TMEM74: variants seen among roughly 807,000 people sequenced by gnomAD.
TMEM74 encodes the protein transmembrane protein 74.
TMEM74 carries 13 observed loss-of-function variants against 18.1 expected under a neutral mutation model. That is an observed-to-expected ratio of 0.72 (90% CI 0.47 to 1.14). TMEM74 has a LOEUF of 1.14. Ranked by LOEUF, TMEM74 falls within the 50% of genes most tolerant of loss-of-function variation. The pLI, the probability that TMEM74 is intolerant of heterozygous loss-of-function variation, is 0.00. For synonymous variants in TMEM74, 159 were observed against 146.6 expected, an observed-to-expected ratio of 1.08 and a Z score of -0.61; for missense variants, 372 against 375.9, an observed-to-expected ratio of 0.99 and a Z score of 0.09.
intron 2 of TMEM74, among the ~76,000 whole-genome samples, chr8:108,647,255 A>C (rs930594553): frequency 6.6e-6 from 1 of 152,154 alleles, no homozygotes; most frequent in African/African-American, 2.4e-5. Flanking sequence ...AGTTTGAAGA[A>C]ATATCAGTCA....
chr8:108,676,170 A>G (rs1294943605), intron 1 of TMEM74, among the ~76,000 whole-genome samples: 3 of 152,204 alleles, frequency 2.0e-5, no homozygotes, highest in African/African-American at 4.8e-5. Flanking sequence ...GTGGCAAGTC[A>G]GTAAACTCAG....
At position 108,657,875 on chromosome 8, in the gene TMEM74, T is replaced by TATATATATATATTAATTAC. The variant is rs1554630278; in HGVS notation, n.120-2439_120-2438insGTAATTAATATATATATAT. Among the ~76,000 whole-genome samples, 18 of 55,556 alleles carry TATATATATATATTAATTAC rather than the reference T, an allele frequency of 3.2e-4. 1 individual carries two copies. Among genetic ancestry groups the TATATATATATATTAATTAC allele is most frequent in the African/African-American group, 1.2e-3 (15 of 12,910 alleles). The allele number at this position is 55,556 out of a possible 152,430, so 36.4% of individuals were successfully genotyped here. A position where few individuals can be genotyped will look rare whatever the true frequency, so the allele number is the denominator to read the frequency against. ...AAAAAAAAAAATATATATATATATA[T>TATATATATATATTAATTAC]ATATATATATATATATATATATATA... On this transcript the variant is annotated intron_variant and non_coding_transcript_variant, in intron 1 of 3. Transcript: ENST00000518838.
At chr8:108,642,068 G>A (rs1208617214) in intron 2 of TMEM74, among the ~76,000 whole-genome samples, 1 of 151,812 alleles carries the variant, frequency 6.6e-6, no homozygotes, top group African/African-American at 2.4e-5. Context: ...AACATGATCT[G>A]TAAATAGTTA....
At chr8:108,652,921 C>A (rs563056971) in intron 2 of TMEM74, 1 of 364,266 alleles carries the variant, frequency 2.7e-6, no homozygotes, top group South Asian at 2.6e-5. Context: ...GTGTGAAGAG[C>A]GAAGATGAAT....
intron 1 of TMEM74, among the ~76,000 whole-genome samples, chr8:108,693,608 G>T (rs572618956): frequency 6.6e-6 from 1 of 152,344 alleles, no homozygotes; most frequent in East Asian, 1.9e-4. Flanking sequence ...GTTGGCATGT[G>T]CAAGCTAAGT....
chr8:108,714,357 C>A (rs1813502593), intron 1 of TMEM74, among the ~76,000 whole-genome samples: 1 of 152,068 alleles, frequency 6.6e-6, no homozygotes, highest in Non-Finnish European at 1.5e-5. Context: ...CAGTGGAATA[C>A]AATTGTATGG....
chr8:108,634,559 T>C (rs758424051), intron 2 of TMEM74, among the ~76,000 whole-genome samples: 9 of 151,966 alleles, frequency 5.9e-5, no homozygotes, highest in Non-Finnish European at 8.8e-5. Context: ...TTCCACTCTT[T>C]CCAAACCTTT....
At chr8:108,667,945 C>T (rs1812966030) in intron 1 of TMEM74, among the ~76,000 whole-genome samples, 1 of 152,102 alleles carries the variant, frequency 6.6e-6, no homozygotes, top group South Asian at 2.1e-4. Flanking sequence ...TTATGGACAC[C>T]AGTGATTTTC....
Position 108,694,710 on chromosome 8 carries a change from C to T in TMEM74, n.120-39273G>A, listed in dbSNP as rs191998190. Among the ~76,000 whole-genome samples, 1,030 of 152,324 alleles carry T rather than the reference C, an allele frequency of 6.8e-3. 12 individuals carry two copies. The highest frequency in any genetic ancestry group is 0.01 in the Non-Finnish European group (714 of 68,022). Reference sequence around the variant, plus strand: ...ATACATACACATATACCTATATGCACATACATATACATGAATGTTTATAGA... The same window carrying T: ...ATACATACACATATACCTATATGCATATACATATACATGAATGTTTATAGA... On this transcript the variant is annotated intron_variant and non_coding_transcript_variant, in intron 1 of 3. Transcript: ENST00000518838.
At chr8:108,738,540 A>G (rs189096253) in intron 1 of TMEM74, among the ~76,000 whole-genome samples, 25 of 152,180 alleles carry the variant, frequency 1.6e-4, no homozygotes, top group Admixed American at 5.2e-4. Flanking sequence ...TAGGCATTAC[A>G]CCTGTTTCTG....
rs1233936541 is a variant in TMEM74 at position 108,784,889 on chromosome 8, A to G, written c.210T>C (p.Ser70=). 5 of 1,614,128 alleles carry G rather than the reference A, an allele frequency of 3.1e-6. No individual in the cohort carries two copies. The highest frequency in any genetic ancestry group is 4.2e-6 in the Non-Finnish European group (5 of 1,180,028). ...CTGGCTGAAGAGTACTGTTTTGCAG[A>G]GAGGAGGAGGGGGATGCTGGAGAAG... The part of the protein sequence containing the change: ...LSSSPASPSS[S]LQNSTLQPDA... Residue 70 remains serine (S), a synonymous_variant, in exon 2 of 2, where the codon TCT becomes TCC. Coordinates refer to ENST00000297459, the MANE Select transcript of TMEM74 (RefSeq NM_153015.3).
chr8:108,776,025 G>A (rs548514362), downstream of TMEM74, among the ~76,000 whole-genome samples: 141 of 152,314 alleles, frequency 9.3e-4, no homozygotes, highest in Non-Finnish European at 1.6e-3. Flanking sequence ...AAAATTCAAA[G>A]ATAAATATAA....
chr8:108,661,332 T>C (rs1269681377), intron 1 of TMEM74, among the ~76,000 whole-genome samples: 1 of 151,578 alleles, frequency 6.6e-6, no homozygotes, highest in Non-Finnish European at 1.5e-5. Flanking sequence ...TTTGTGATTT[T>C]TGCCACTGAA....
chr8:108,760,372 G>A (rs1350032243), intron 1 of TMEM74, among the ~76,000 whole-genome samples: 2 of 152,052 alleles, frequency 1.3e-5, no homozygotes, highest in Non-Finnish European at 2.9e-5. Flanking sequence ...AGTGCACCAG[G>A]GTAGCAATGC....
intron 1 of TMEM74, among the ~76,000 whole-genome samples, chr8:108,758,069 C>T (rs1442487159): frequency 2.0e-5 from 3 of 151,932 alleles, no homozygotes; most frequent in African/African-American, 7.2e-5. Flanking sequence ...TAGGCTCTAT[C>T]GTTTAATGAA....
At chr8:108,747,198 C>A (rs1813856662) in intron 1 of TMEM74, among the ~76,000 whole-genome samples, 1 of 151,930 alleles carries the variant, frequency 6.6e-6, no homozygotes, top group Non-Finnish European at 1.5e-5. Flanking sequence ...CAAATTGAGT[C>A]AAATTTTGGG....
At chr8:108,684,693 G>GTT (rs34098450) in intron 1 of TMEM74, among the ~76,000 whole-genome samples, 6,074 of 147,320 alleles carry the variant, frequency 0.041, 179 homozygotes, top group South Asian at 0.052. Flanking sequence ...TTTTCTAATA[G>GTT]TTTTTTTTTT....
At chr8:108,682,285 C>T (rs572200173) in intron 1 of TMEM74, among the ~76,000 whole-genome samples, 1 of 152,058 alleles carries the variant, frequency 6.6e-6, no homozygotes, top group Non-Finnish European at 1.5e-5. Context: ...TCTTCACCCC[C>T]ACTATGCTGC....
intron 1 of TMEM74, among the ~76,000 whole-genome samples, chr8:108,704,393 A>G (rs1459992398): frequency 2.6e-5 from 4 of 152,202 alleles, no homozygotes; most frequent in Non-Finnish European, 5.9e-5. Context: ...TGAGAACCCA[A>G]TGCAGGTTAA....
Sources: gnomAD v4.1 joint callset for allele counts (sites outside exome capture counted in the v4.1 genomes callset) on GRCh38, gnomAD v4.1.1 for gene constraint, MANE v1.5 for transcripts, NCBI Gene and HGNC (gene_info 2026-07-23, HGNC 2026-07-21) for gene names.